Variants in OPCML observed in about 807,000 individuals in gnomAD.
OPCML encodes opioid-binding protein/cell adhesion molecule.
OPCML carries 13 observed loss-of-function variants against 37.8 expected under a neutral mutation model. The observed-to-expected ratio is 0.34, with a 90% CI of 0.22 to 0.55. OPCML has a LOEUF of 0.55. Among genes scored for constraint, OPCML ranks in the 20% least tolerant of loss-of-function variants. The probability of loss-of-function intolerance (pLI) is 0.91; values close to 1 mark genes in which losing one functional copy is unlikely to be tolerated. For synonymous variants in OPCML, 176 were observed against 168.8 expected (o/e 1.04, Z -0.33); for missense variants, 341 against 435.6 (o/e 0.78, Z 1.93).
chr11:133,519,759 C>T (rs372515708), intron 1 of OPCML, among the ~76,000 whole-genome samples: 12 of 152,318 alleles, frequency 7.9e-5, no homozygotes, highest in African/African-American at 2.9e-4. Context: ...GTGTCAATGG[C>T]TTCTCCCGCA....
intron 3 of OPCML, among the ~76,000 whole-genome samples, chr11:132,607,077 G>T (rs1938349582): frequency 6.6e-6 from 1 of 152,206 alleles, no homozygotes; most frequent in Non-Finnish European, 1.5e-5. Flanking sequence ...AATTAAGTAA[G>T]CGAGTGAAGT....
chr11:133,331,838 A>G (rs939701918), intron 1 of OPCML, among the ~76,000 whole-genome samples: 1 of 152,122 alleles, frequency 6.6e-6, no homozygotes, highest in Non-Finnish European at 1.5e-5. Context: ...ATAAAAACCT[A>G]CAGAAAGTAT....
intron 2 of OPCML, among the ~76,000 whole-genome samples, chr11:132,931,879 A>G (rs575556436): frequency 2.0e-5 from 3 of 152,344 alleles, no homozygotes; most frequent in South Asian, 4.1e-4. Context: ...CCAAGCATCA[A>G]TCAAAGGATG....
chr11:132,925,164 T>A (rs1944944409), intron 2 of OPCML, among the ~76,000 whole-genome samples: 1 of 152,198 alleles, frequency 6.6e-6, no homozygotes, highest in African/African-American at 2.4e-5. Context: ...ACTCATCACT[T>A]CTTGCATGTT....
intron 4 of OPCML, among the ~76,000 whole-genome samples, chr11:132,493,559 C>T (rs1306797428): frequency 6.6e-6 from 1 of 152,184 alleles, no homozygotes; most frequent in African/African-American, 2.4e-5. Context: ...TTCCCTCTCC[C>T]TTTCTGTGTC....
chr11:133,026,612 A>G, intron 1 of OPCML: 3 of 982,306 alleles, frequency 3.1e-6, no homozygotes, highest in African/African-American at 1.7e-5. Flanking sequence ...CCACATTTTC[A>G]TAGTGCTTTC....
At chr11:132,804,623 T>C (rs1214301432) in intron 2 of OPCML, among the ~76,000 whole-genome samples, 1 of 152,156 alleles carries the variant, frequency 6.6e-6, no homozygotes, top group African/African-American at 2.4e-5. Flanking sequence ...GAGACCAAAA[T>C]GGTGGTCCTA....
intron 2 of OPCML, among the ~76,000 whole-genome samples, chr11:132,864,384 A>C (rs1340917781): frequency 6.6e-6 from 1 of 152,258 alleles, no homozygotes; most frequent in Non-Finnish European, 1.5e-5. Flanking sequence ...GATATGTTTA[A>C]GGCTCAAATC....
intron 1 of OPCML, among the ~76,000 whole-genome samples, chr11:133,098,829 G>T (rs894587374): frequency 1.3e-5 from 2 of 151,892 alleles, no homozygotes; most frequent in African/African-American, 2.4e-5. Flanking sequence ...AACATAATAA[G>T]AAAATAAAAG....
chr11:133,009,103 C>T lies in OPCML; in HGVS notation c.62-66093G>A, dbSNP rs939584464. The T allele has an allele frequency of 5.1e-6, 5 of 985,056 alleles. No homozygotes were observed. The African/African-American group carries it at 8.7e-5, about 17-fold the overall frequency. The allele number at this position is 985,056 out of a possible 1,614,324, so 61.0% of individuals were successfully genotyped here. ...TGGGCAGGTTTAGTGAGATTAAATG[C>T]ATTCTTTAATTCTATTTAACAGAGA... On this transcript the variant is annotated intron_variant, in intron 1 of 7. Transcript: ENST00000524381.
At chr11:133,256,423 T>A (rs1459383686) in intron 1 of OPCML, among the ~76,000 whole-genome samples, 4 of 152,242 alleles carry the variant, frequency 2.6e-5, no homozygotes, top group South Asian at 4.1e-4. Context: ...AATTATATGT[T>A]CATAATGTGT....
rs1157581419 is a variant in OPCML, at chr11:132,599,557, C to T, written c.379+57530G>A. Among the ~76,000 whole-genome samples, 5 of 152,192 alleles carry T rather than the reference C, an allele frequency of 3.3e-5. No homozygotes were observed. The South Asian group carries it at 1.0e-3, about 32-fold the overall frequency. ...CAAAAATACAACTCCAAATGGCAGG[C>T]TCACATCTCACATTTCTCATTTTCT... On this transcript the variant is annotated intron_variant, in intron 3 of 7. Transcript: ENST00000524381.
intron 1 of OPCML, among the ~76,000 whole-genome samples, chr11:133,505,169 C>CCAT (rs1701840617): frequency 6.6e-6 from 1 of 152,210 alleles, no homozygotes; most frequent in South Asian, 2.1e-4. Flanking sequence ...GAACGTAACA[C>CCAT]CATCTTTTTC....
chr11:133,053,280 C>T (rs2136970102), intron 1 of OPCML, among the ~76,000 whole-genome samples: 1 of 152,302 alleles, frequency 6.6e-6, no homozygotes, highest in South Asian at 2.1e-4. Flanking sequence ...ATGGTAAGCC[C>T]TCAACGCATG....
chr11:133,078,086 C>T (rs886927631), intron 1 of OPCML, among the ~76,000 whole-genome samples: 2 of 152,128 alleles, frequency 1.3e-5, no homozygotes, highest in Non-Finnish European at 1.5e-5. Flanking sequence ...CAGGTATTAT[C>T]GGCGTACTGA....
At chr11:133,034,003 ACTTC>A (rs1947720789) in intron 1 of OPCML, among the ~76,000 whole-genome samples, 1 of 152,174 alleles carries the variant, frequency 6.6e-6, no homozygotes, top group Non-Finnish European at 1.5e-5. Flanking sequence ...ACCCTTTATT[ACTTC>A]CTTGATGCAA....
At chr11:132,953,731 G>A (rs1945913595) in intron 1 of OPCML, among the ~76,000 whole-genome samples, 1 of 152,196 alleles carries the variant, frequency 6.6e-6, no homozygotes, top group East Asian at 1.9e-4. Flanking sequence ...GAATGCCGCT[G>A]GAGGTAGGTT....
chr11:132,744,829 T>C (rs146344454), intron 2 of OPCML, among the ~76,000 whole-genome samples: 286 of 152,360 alleles, frequency 1.9e-3, no homozygotes, highest in Non-Finnish European at 3.5e-3. Flanking sequence ...GCCAAGGTTA[T>C]AAATACTCTC....
chr11:133,067,601 G>A (rs1948460288), intron 1 of OPCML: 1 of 152,216 alleles, frequency 6.6e-6, no homozygotes. Context: ...CAAGGCATAA[G>A]CACATCCAAT....
Sources: gnomAD v4.1 joint callset for allele counts (sites outside exome capture counted in the v4.1 genomes callset) on GRCh38, gnomAD v4.1.1 for gene constraint, MANE v1.5 for transcripts, NCBI Gene and HGNC (gene_info 2026-07-23, HGNC 2026-07-21) for gene names.